NT5C1B: variants seen among roughly 807,000 people sequenced by gnomAD.
NT5C1B encodes 5'-nucleotidase, cytosolic IB.
In NT5C1B, 44 loss-of-function variants were observed where a neutral mutation model predicts 57.8. The ratio of observed to expected loss-of-function variants is 0.76; its 90% confidence interval spans 0.60 to 0.98. The LOEUF (loss-of-function observed/expected upper bound fraction) is 0.98, where lower values mean the gene tolerates loss of function less well. NT5C1B is among the 50% of genes least tolerant of loss of function. The pLI is 0.00. For missense variants in NT5C1B, 742 were observed against 719.5 expected, an observed-to-expected ratio of 1.03 and a Z score of -0.36; for synonymous variants, 284 against 282.6, an observed-to-expected ratio of 1.00 and a Z score of -0.05.
chr2:18,584,527 G>T lies in NT5C1B; in HGVS notation c.710C>A (p.Ser237Ter), dbSNP rs1162482828. 2 of 1,610,450 alleles carry T rather than the reference G, an allele frequency of 1.2e-6. No homozygotes were observed. The highest frequency in any genetic ancestry group is 1.7e-5 in the Admixed American group (1 of 59,746). ...GGGCTGGCTCACCGGCCAGGGGCGC[G>T]AGCAGCTCGGGTTCTTCTCGTAGAA... Residue 237 changes from serine to a stop codon, truncating the protein, a stop_gained, in exon 4 of 9, where the codon TCG becomes TAG. Transcript: ENST00000304081. LOFTEE classifies it high-confidence loss of function. This position sits in a 1 kb window ranked among gnomAD's most constrained non-coding sequence, Gnocchi z 5.8.
chr2:18,576,846 G>A (rs1403010637), exon 7 of NT5C1B: 1 of 1,613,738 alleles, frequency 6.2e-7, no homozygotes, highest in Non-Finnish European at 8.5e-7. Flanking sequence ...CCTTCAAATA[G>A]CCAATGGGGT....
At position 18,584,075 on chromosome 2, in the gene NT5C1B, G is replaced by A. The variant is rs970833524; in HGVS notation, c.891+13C>T. The A allele has an allele frequency of 9.9e-6, 16 of 1,614,066 alleles. No individual in the cohort carries two copies. Among genetic ancestry groups the A allele is most frequent in the Admixed American group, 3.3e-5 (2 of 60,014 alleles). On this transcript the variant is annotated intron_variant, in intron 5 of 8. Transcript: ENST00000304081. The surrounding 1 kb of genome is among the most constrained non-coding windows in gnomAD (Gnocchi z 5.8). ...CGAGTGTCCTGGCGGGCCAAAGACA[G>A]CTTGCAGAATACCTTGACGAAGCGG...
chr2:18,575,744 T>C (rs1665610443), intron 8 of NT5C1B, among the ~76,000 whole-genome samples: 1 of 152,214 alleles, frequency 6.6e-6, no homozygotes, highest in Admixed American at 6.5e-5. Context: ...AAGTTCTTAG[T>C]TGTGCATATT....
intron 8 of NT5C1B, among the ~76,000 whole-genome samples, chr2:18,568,310 A>T (rs1664840641): frequency 6.6e-6 from 1 of 152,240 alleles, no homozygotes; most frequent in Admixed American, 6.5e-5. Context: ...CAGTAAACCC[A>T]GAATACTACA....
At chr2:18,586,981 G>C (rs2148183706) in intron 2 of NT5C1B, 1 of 1,614,098 alleles carries the variant, frequency 6.2e-7, no homozygotes, top group Admixed American at 1.7e-5. Context: ...TCGGTAGTGT[G>C]ATCTCTGCTC....
intron 5 of NT5C1B, chr2:18,583,237 T>C (rs1350355028): frequency 1.1e-5 from 4 of 357,870 alleles, no homozygotes; most frequent in Non-Finnish European, 1.9e-5. Context: ...GTTTCCACTT[T>C]GGGTTCACTA....
At position 18,568,442 on chromosome 2, in the gene NT5C1B, A is replaced by G. The variant is rs191740514; in HGVS notation, c.1330-4323T>C. 1.6e-4 allele frequency among the ~76,000 whole-genome samples: 25 copies of G among 152,286 alleles called. No homozygotes were observed. In the East Asian group the frequency reaches 4.4e-3, roughly 27 times the overall value. On this transcript the variant is annotated intron_variant, in intron 8 of 8. Coordinates refer to ENST00000304081, the Ensembl canonical transcript of NT5C1B. ...ATGAAATGTTAAACAAAACAAAATA[A>G]AACAAAAGATCTCCTGGCAGAAGGA...
At chr2:18,568,418 T>A (rs1013226652) in intron 8 of NT5C1B, among the ~76,000 whole-genome samples, 1 of 151,932 alleles carries the variant, frequency 6.6e-6, no homozygotes, top group African/African-American at 2.4e-5. Context: ...TTGTACGACA[T>A]GAAATGTTAA....
At chr2:18,568,674 G>C (rs1043989736) in intron 8 of NT5C1B, among the ~76,000 whole-genome samples, 2 of 152,172 alleles carry the variant, frequency 1.3e-5, no homozygotes, top group African/African-American at 4.8e-5. Context: ...AGTCAAGCCT[G>C]TAACAGCTTA....
chr2:18,564,815 T>C (rs575862998), intron 8 of NT5C1B, among the ~76,000 whole-genome samples: 1 of 152,318 alleles, frequency 6.6e-6, no homozygotes, highest in South Asian at 2.1e-4. Flanking sequence ...TGTTCAATAA[T>C]CTGTGTCTTT....
chr2:18,574,400 A>G (rs1203224225), intron 8 of NT5C1B, among the ~76,000 whole-genome samples: 1 of 152,154 alleles, frequency 6.6e-6, no homozygotes. Flanking sequence ...TGGTATAGCC[A>G]CTGTAGAAAA....
At chr2:18,568,515 C>G (rs1664864390) in intron 8 of NT5C1B, among the ~76,000 whole-genome samples, 1 of 152,136 alleles carries the variant, frequency 6.6e-6, no homozygotes, top group African/African-American at 2.4e-5. Context: ...AGGAAGATCT[C>G]TGAAAATGAT....
exon 8 of NT5C1B, chr2:18,576,238 C>T: frequency 6.2e-7 from 1 of 1,613,700 alleles, no homozygotes; most frequent in Admixed American, 1.7e-5. Flanking sequence ...ATTTGTCGAG[C>T]CCATGCTCCT....
intron 6 of NT5C1B, among the ~76,000 whole-genome samples, chr2:18,582,373 T>C (rs1666256234): frequency 6.6e-6 from 1 of 152,234 alleles, no homozygotes; most frequent in Non-Finnish European, 1.5e-5. Flanking sequence ...AACACACTGA[T>C]AGAAACACTG....
chr2:18,586,230 A>G (rs1021314624), intron 3 of NT5C1B, 24 bp downstream of exon 3: 7 of 1,609,914 alleles, frequency 4.3e-6, no homozygotes, highest in African/African-American at 2.7e-5. Context: ...ATCATCTACT[A>G]CTCCCTTTCA....
chr2:18,582,336 A>C (rs1363303059), intron 6 of NT5C1B, among the ~76,000 whole-genome samples: 1 of 152,228 alleles, frequency 6.6e-6, no homozygotes, highest in East Asian at 1.9e-4. Context: ...ATAATAGGAA[A>C]AGTTGGAACT....
At chr2:18,572,010 C>T (rs941955265) in intron 8 of NT5C1B, among the ~76,000 whole-genome samples, 78 of 147,658 alleles carry the variant, frequency 5.3e-4, no homozygotes, top group African/African-American at 1.8e-3. Context: ...CTCTTGAACC[C>T]GGGAGGCGAA....
chr2:18,574,742 T>C (rs575434125), intron 8 of NT5C1B, among the ~76,000 whole-genome samples: 3 of 152,064 alleles, frequency 2.0e-5, no homozygotes, highest in Non-Finnish European at 4.4e-5. Context: ...TGCTGTACAA[T>C]GTAGCGCCTA....
Position 18,584,701 on chromosome 2 carries a change from G to C in NT5C1B, c.536C>G (p.Ser179Cys), listed in dbSNP as rs751348662. The C allele has an allele frequency of 1.1e-5, 18 of 1,612,380 alleles. No homozygotes were observed. The highest frequency in any genetic ancestry group is 1.5e-5 in the Non-Finnish European group (18 of 1,179,120). Residue 179 changes from serine to cysteine, a missense_variant, in exon 4 of 9, where the codon TCC becomes TGC. Transcript: ENST00000304081. This position sits in a 1 kb window ranked among gnomAD's most constrained non-coding sequence, Gnocchi z 5.8. The stretch of plus-strand genomic sequence containing the variant: ...GCTGGAGGACTTCCACTCGGTGGGG[G>C]ACGTGCGCGAATATTCCAGCGGCTG...
Sources: allele counts gnomAD v4.1 joint callset (sites outside exome capture counted in the v4.1 genomes callset), GRCh38; gene constraint gnomAD v4.1.1; non-coding constraint Gnocchi (gnomAD v3.1); transcripts MANE v1.5; gene names NCBI Gene and HGNC (gene_info 2026-07-23, HGNC 2026-07-21).